Variants in PTPRU observed in about 807,000 individuals in gnomAD.
The protein encoded by PTPRU is protein tyrosine phosphatase receptor type U, also known as receptor-type tyrosine-protein phosphatase U.
In PTPRU, 69 loss-of-function variants were observed where a neutral mutation model predicts 166.3. That is an observed-to-expected ratio of 0.41 (90% confidence interval 0.34 to 0.51). The LOEUF is 0.51. Among genes scored for constraint, PTPRU ranks in the 20% least tolerant of loss-of-function variants. The pLI, the probability that PTPRU is intolerant of heterozygous loss-of-function variation, is 0.09. For missense variants in PTPRU, 1,657 were observed against 2,013.7 expected (o/e 0.82, Z 3.39); for synonymous variants, 793 against 814.0 (o/e 0.97, Z 0.44).
rs755139125 is a variant in PTPRU, at chr1:29,275,598, A to G, written c.1295A>G (p.Asn432Ser). The change falls in exon 8 of 30, where the codon AAC becomes AGC. Residue 432 changes from asparagine (N) to serine (S), a missense_variant. Physicochemically the swap from Asn to Ser is conservative, Grantham distance 46. This residue lies in a region of PTPRU where 1,190 missense variants were observed against 1,477.4 expected (regional missense o/e 0.81). Coordinates refer to ENST00000373779, the MANE Select transcript of PTPRU (RefSeq NM_133178.4). ...CACTACACCCTGGGCAGCAGCCACA[A>G]CCAGACCATCCGAGAGTGTGTGAAG... ...CYHYTLGSSHNQTIRECVKTE... is the reference protein window; with the variant it reads ...CYHYTLGSSHSQTIRECVKTE... 12 of 1,614,190 alleles carry G rather than the reference A, an allele frequency of 7.4e-6. No homozygotes were observed. In the South Asian group the frequency reaches 1.3e-4, roughly 18 times the overall value.
intron 7 of PTPRU, among the ~76,000 whole-genome samples, chr1:29,263,692 T>C (rs1685168159): frequency 6.6e-6 from 1 of 152,214 alleles, no homozygotes. Context: ...CTAGTATATA[T>C]GAAATGGTAT....
rs1683769896 is a variant in PTPRU, at chr1:29,236,564, C to T, written c.-81C>T. The T allele has an allele frequency of 1.8e-6, 2 of 1,083,024 alleles. No homozygotes were observed. Among genetic ancestry groups the T allele is most frequent in the South Asian group, 4.5e-5 (1 of 22,166 alleles). 67.1% of individuals were successfully genotyped at this position (1,083,024 alleles called of 1,614,324 possible). A position where few individuals can be genotyped will look rare whatever the true frequency, so the allele number is the denominator to read the frequency against. ...CGCCGCTCCGCTCCGGCTCGGGCTC[C>T]GGCTCGCCTCGGGCTGGGCTCGGGC... On this transcript the variant is annotated 5_prime_UTR_variant, in exon 1 of 30. Coordinates refer to ENST00000373779, the MANE Select transcript of PTPRU (RefSeq NM_133178.4). The surrounding 1 kb of genome is among the most constrained non-coding windows in gnomAD (Gnocchi z 4.6).
rs867290552 is a variant in PTPRU, at chr1:29,315,481, C to T, written c.3337C>T (p.Arg1113Trp). ...CAACTGTGTGAAGACTCTCTGCTCC[C>T]GGCGTGTCAACATGATCCAGACTGA... is the stretch of plus-strand genomic sequence containing the variant. ...IYNCVKTLCSRRVNMIQTEEQ... is the reference protein window; with the variant it reads ...IYNCVKTLCSWRVNMIQTEEQ... The change falls in exon 23 of 30, where the codon CGG becomes TGG. Residue 1113 changes from arginine (R) to tryptophan (W), a missense_variant. Arg to Trp is a moderately radical substitution (Grantham distance 101, BLOSUM62 -3). Transcript: ENST00000373779. This position sits in a 1 kb window ranked among gnomAD's most constrained non-coding sequence, Gnocchi z 4.5. The T allele has an allele frequency of 6.8e-6, 11 of 1,614,114 alleles. No homozygotes were observed. The highest frequency in any genetic ancestry group is 2.2e-5 in the East Asian group (1 of 44,882).
intron 1 of PTPRU, among the ~76,000 whole-genome samples, chr1:29,247,526 C>T (rs570369409): frequency 1.1e-4 from 17 of 152,332 alleles, no homozygotes; most frequent in South Asian, 2.1e-4. Flanking sequence ...TCACACTGCT[C>T]GGGTTTGTGC....
intron 8 of PTPRU, among the ~76,000 whole-genome samples, chr1:29,276,584 C>G (rs1046561336): frequency 6.6e-6 from 1 of 152,188 alleles, no homozygotes; most frequent in Non-Finnish European, 1.5e-5. Context: ...TCCAAAAGTG[C>G]TGGGATTACA....
chr1:29,310,124 C>T (rs1007328848), intron 18 of PTPRU, among the ~76,000 whole-genome samples: 6 of 152,116 alleles, frequency 3.9e-5, no homozygotes, highest in African/African-American at 9.7e-5. Flanking sequence ...GTGCTTAGCA[C>T]AGTACGTGAC....
Position 29,311,831 on chromosome 1 carries a change from C to A in PTPRU, c.3072+72C>A. 1.4e-6 allele frequency: 2 copies of A among 1,433,166 alleles called. No homozygotes were observed. The highest frequency in any genetic ancestry group is 1.9e-6 in the Non-Finnish European group (2 of 1,029,268). 88.8% of individuals were successfully genotyped at this position (1,433,166 alleles called of 1,614,324 possible). A position where few individuals can be genotyped will look rare whatever the true frequency, so the allele number is the denominator to read the frequency against. On this transcript the variant is annotated intron_variant, in intron 21 of 29. Coordinates refer to ENST00000373779, the MANE Select transcript of PTPRU (RefSeq NM_133178.4). This position sits in a 1 kb window ranked among gnomAD's most constrained non-coding sequence, Gnocchi z 4.1. ...GATTAGAGCCCACTCCCACTTCCCC[C>A]AGCCCTGGGAGCAGGAGGGTGAGGA...
intron 7 of PTPRU, among the ~76,000 whole-genome samples, chr1:29,272,906 C>CAAAAAAAAAAAAAA (rs57076551): frequency 7.3e-5 from 4 of 54,650 alleles, no homozygotes; most frequent in Admixed American, 5.9e-4. Context: ...GACCTTGTCT[C>CAAAAAAAAAAAAAA]AAAAAAAAAA....
In PTPRU at chr1:29,323,723, C is replaced by T; in HGVS notation, c.4047C>T (p.His1349=). ...DTPDSKKAFL[H]LLAEVDKWQA... ...CTGACTCCAAGAAGGCCTTCTTGCA[C>T]CTGCTGGCTGAGGTGGACAAGTGGC... Residue 1349 remains histidine, a synonymous_variant, in exon 28 of 30, where the codon CAC becomes CAT. Coordinates refer to ENST00000373779, the MANE Select transcript of PTPRU (RefSeq NM_133178.4). 1.2e-6 allele frequency: 2 copies of T among 1,614,186 alleles called. No individual in the cohort carries two copies. The highest frequency in any genetic ancestry group is 1.7e-6 in the Non-Finnish European group (2 of 1,180,018).
In PTPRU at chr1:29,303,863, C is replaced by T. The variant is rs148597380; in HGVS notation, c.2485C>T (p.Arg829Cys). The T allele has an allele frequency of 2.3e-4, 364 of 1,608,554 alleles. 1 individual carries two copies. The highest frequency in any genetic ancestry group is 9.9e-4 in the Middle Eastern group (6 of 6,036). ...TCTTTCTCTGACTGCAGGAGACCAG[C>T]GCAGCGGTGGGGTCACTGAGGCCAG... ...THGYSTRGDQ[R>C]SGGVTEASSL... The change falls in exon 16 of 30, where the codon CGC becomes TGC. Residue 829 changes from arginine to cysteine, a missense_variant. Arg to Cys is a radical substitution (Grantham distance 180). This residue lies in a region of PTPRU where 1,190 missense variants were observed against 1,477.4 expected (regional missense o/e 0.81). Transcript: ENST00000373779.
At chr1:29,277,803 CTTTTTTTTTTTTTTTTTTTTTTTTTTTT>C (rs71586898) in intron 8 of PTPRU, among the ~76,000 whole-genome samples, 1 of 50,564 alleles carries the variant, frequency 2.0e-5, no homozygotes, top group Non-Finnish European at 3.3e-5. Flanking sequence ...AGTTGTCATT[CTTTTTTTTTTTTTTTTTTTTTTTTTTTT>C]TTTTTGAGAT....
intron 8 of PTPRU, 88 bp downstream of exon 8, chr1:29,275,844 TTTC>T: frequency 1.4e-6 from 2 of 1,430,054 alleles, no homozygotes; most frequent in Non-Finnish European, 1.9e-6. Flanking sequence ...AGGGTATTTT[TTTC>T]TTTTTTTTGC....
rs527730686 is a variant in PTPRU, at chr1:29,307,006, G to A, written c.2820+1578G>A. 2.6e-4 allele frequency: 293 copies of A among 1,136,336 alleles called. 1 individual carries two copies. In the East Asian group the frequency reaches 6.7e-3, roughly 26 times the overall value. The allele number at this position is 1,136,336 out of a possible 1,614,324, so 70.4% of individuals were successfully genotyped here. A position where few individuals can be genotyped will look rare whatever the true frequency, so the allele number is the denominator to read the frequency against. ...AGCCCAGCCCGGCCTGCCCGTCTCC[G>A]CTCTGCCTGCCCTGCTCACATCGCC... On this transcript the variant is annotated intron_variant, in intron 18 of 29. Transcript: ENST00000373779.
At position 29,305,340 on chromosome 1, in the gene PTPRU, C is replaced by T; in HGVS notation, c.2744-12C>T. The T allele has an allele frequency of 6.2e-7, 1 of 1,613,732 alleles. No homozygotes were observed. Among genetic ancestry groups the T allele is most frequent in the African/African-American group, 1.3e-5 (1 of 75,052 alleles). ...CCAGTTCAGCCCCTGCCCACCTGCT[C>T]TGTGTTTACAGATGATCGGCACCGA... On this transcript the variant is annotated splice_polypyrimidine_tract_variant and intron_variant, in intron 17 of 29. Coordinates refer to ENST00000373779, the MANE Select transcript of PTPRU (RefSeq NM_133178.4).
Position 29,305,359 on chromosome 1 carries a change from G to A in PTPRU, c.2751G>A (p.Arg917=). ...CCTGCTCTGTGTTTACAGATGATCG[G>A]CACCGAGTGAAACTGCACCCGATGC... ...SRQEPMPAYD[R]HRVKLHPMLG... The change falls in exon 18 of 30, where the codon CGG becomes CGA. Residue 917 remains arginine (R), a synonymous_variant. Coordinates refer to ENST00000373779, the MANE Select transcript of PTPRU (RefSeq NM_133178.4). The A allele has an allele frequency of 6.2e-7, 1 of 1,613,804 alleles. No individual in the cohort carries two copies.
At chr1:29,265,429 C>G (rs1285944973) in intron 7 of PTPRU, among the ~76,000 whole-genome samples, 1 of 151,958 alleles carries the variant, frequency 6.6e-6, no homozygotes, top group Non-Finnish European at 1.5e-5. Context: ...GCAGCATGAT[C>G]TCAGCTCACT....
At chr1:29,290,847 C>T (rs982683495) in intron 14 of PTPRU, among the ~76,000 whole-genome samples, 2 of 152,356 alleles carry the variant, frequency 1.3e-5, no homozygotes, top group Admixed American at 6.5e-5. Context: ...GTGTCCCTCC[C>T]GGGTTCCATC....
At chr1:29,293,413 C>T (rs1438940539) in intron 15 of PTPRU, among the ~76,000 whole-genome samples, 1 of 152,108 alleles carries the variant, frequency 6.6e-6, no homozygotes, top group Non-Finnish European at 1.5e-5. Flanking sequence ...GCGTGAGTCA[C>T]TGTGCCCAGC....
chr1:29,311,143 G>A lies in PTPRU; in HGVS notation c.2858-313G>A, dbSNP rs1574711793. Among the ~76,000 whole-genome samples the A allele has an allele frequency of 1.3e-5, 2 of 152,156 alleles. No individual in the cohort carries two copies. Among genetic ancestry groups the A allele is most frequent in the South Asian group, 4.1e-4 (2 of 4,822 alleles). On this transcript the variant is annotated intron_variant, in intron 19 of 29. Transcript: ENST00000373779. The surrounding 1 kb of genome is among the most constrained non-coding windows in gnomAD (Gnocchi z 4.1). ...GGTGGCTGCCTGGATTCTTCTGTTT[G>A]CATCCCTTTCCACGACTGTCCATCT... is the stretch of plus-strand genomic sequence containing the variant.
Sources: allele counts gnomAD v4.1 joint callset (sites outside exome capture counted in the v4.1 genomes callset), GRCh38; gene constraint gnomAD v4.1.1; regional missense constraint gnomAD v4.1.1; non-coding constraint Gnocchi (gnomAD v3.1); transcripts MANE v1.5; gene names NCBI Gene and HGNC (gene_info 2026-07-23, HGNC 2026-07-21).